NFU1: variants seen among roughly 807,000 people sequenced by gnomAD.
NFU1 encodes the protein NFU1 iron-sulfur cluster scaffold, also known as NFU1 iron-sulfur cluster scaffold homolog, mitochondrial.
Under a neutral mutation model 32.2 loss-of-function variants are expected in NFU1, and 30 were observed. The ratio of observed to expected loss-of-function variants is 0.93; its 90% CI spans 0.70 to 1.26. The LOEUF (loss-of-function observed/expected upper bound fraction) is 1.26, where lower values mean the gene tolerates loss of function less well. NFU1 is among the 50% of genes most tolerant of loss of function. The pLI, the probability that NFU1 is intolerant of heterozygous loss-of-function variation, is 0.00. For synonymous variants in NFU1, 112 were observed against 104.6 expected, an observed-to-expected ratio of 1.07 and a Z score of -0.43; for missense variants, 306 against 306.6, an observed-to-expected ratio of 1.00 and a Z score of 0.02.
chr2:69,423,531 CAGTT>C (rs778776379), intron 3 of NFU1, 47 bp downstream of exon 3: 4 of 1,559,870 alleles, frequency 2.6e-6, no homozygotes, highest in Admixed American at 3.5e-5. Context: ...ACCCCAAAGT[CAGTT>C]AGTTATTTAT....
chr2:69,432,077 T>A (rs955366892), intron 1 of NFU1, 72 bp from the exon 2 acceptor site: 2 of 1,001,466 alleles, frequency 2.0e-6, no homozygotes, highest in Admixed American at 3.8e-5. Context: ...CTACTTCTCA[T>A]GTATAAAAAA....
chr2:69,419,019 AC>A (rs1673149938), intron 4 of NFU1, among the ~76,000 whole-genome samples: 1 of 152,252 alleles, frequency 6.6e-6, no homozygotes, highest in South Asian at 2.1e-4. Flanking sequence ...CTGTTGAAAA[AC>A]ATAGCATATT....
intron 6 of NFU1, among the ~76,000 whole-genome samples, chr2:69,401,532 C>T (rs1436762486): frequency 6.6e-6 from 1 of 152,104 alleles, no homozygotes; most frequent in Non-Finnish European, 1.5e-5. Context: ...TTTAGGTTAA[C>T]ATTAGGTTTT....
At chr2:69,410,321 G>A (rs536126477) in intron 5 of NFU1, among the ~76,000 whole-genome samples, 24 of 152,192 alleles carry the variant, frequency 1.6e-4, no homozygotes, top group African/African-American at 5.8e-4. Context: ...CCTGGGAGGT[G>A]GAGGTTGCAG....
intron 5 of NFU1, among the ~76,000 whole-genome samples, chr2:69,412,165 C>G (rs553224402): frequency 6.6e-6 from 1 of 151,724 alleles, no homozygotes; most frequent in Non-Finnish European, 1.5e-5. Flanking sequence ...ATTCTCCTGC[C>G]TCAGCCTCCC....
chr2:69,404,954 T>C (rs1284314607), intron 6 of NFU1, among the ~76,000 whole-genome samples: 1 of 151,666 alleles, frequency 6.6e-6, no homozygotes, highest in African/African-American at 2.4e-5. Context: ...TGTTACTAAC[T>C]ATAGGCTTAC....
At chr2:69,437,528 G>A (rs781627988), upstream of NFU1, 5 of 1,396,810 alleles carry the variant, frequency 3.6e-6, no homozygotes, top group Non-Finnish European at 4.9e-6. Context: ...CCACCCTACC[G>A]GCTGCGGGCG....
At chr2:69,400,133 A>G (rs555198959) in intron 7 of NFU1, among the ~76,000 whole-genome samples, 150 of 152,304 alleles carry the variant, frequency 9.8e-4, no homozygotes, top group Non-Finnish European at 1.3e-3. Context: ...TCAGCCTCCC[A>G]AAGTGCTGGG....
At chr2:69,402,997 C>A (rs1672575407) in intron 6 of NFU1, among the ~76,000 whole-genome samples, 3 of 147,132 alleles carry the variant, frequency 2.0e-5, no homozygotes, top group Admixed American at 2.0e-4. Flanking sequence ...CCCTCCCTCC[C>A]TCCTTCCTTC....
chr2:69,399,409 T>A (rs770837952), intron 7 of NFU1: 3 of 452,188 alleles, frequency 6.6e-6, no homozygotes, highest in South Asian at 3.1e-5. Flanking sequence ...AAAAAAAAAA[T>A]GTTGATATTG....
intron 6 of NFU1, among the ~76,000 whole-genome samples, chr2:69,404,354 T>G (rs1234580911): frequency 6.7e-6 from 1 of 149,860 alleles, no homozygotes; most frequent in East Asian, 2.1e-4. Flanking sequence ...TAGCTGGGTG[T>G]GGTGGTACAT....
chr2:69,423,223 AGAGATGGGCTCTCTGTGTGAG>A (rs1673313796), intron 3 of NFU1, among the ~76,000 whole-genome samples: 3 of 84,860 alleles, frequency 3.5e-5, no homozygotes, highest in African/African-American at 5.8e-5. Context: ...GGGGGCGGGT[AGAGATGGGCTCTCTGTGTGAG>A]TGTGTGTGTG....
At chr2:69,426,933 G>A (rs1362022306) in intron 2 of NFU1, among the ~76,000 whole-genome samples, 1 of 151,064 alleles carries the variant, frequency 6.6e-6, no homozygotes, top group Non-Finnish European at 1.5e-5. Context: ...GCCAGACGTG[G>A]TGGTATCTGC....
chr2:69,427,980 G>C (rs538559393), intron 2 of NFU1, among the ~76,000 whole-genome samples: 41 of 152,036 alleles, frequency 2.7e-4, no homozygotes, highest in African/African-American at 9.4e-4. Context: ...CCAAGATTGC[G>C]CCATTACAGT....
Position 69,431,994 on chromosome 2 carries a change from A to T in NFU1, c.74T>A (p.Met25Lys), listed in dbSNP as rs4453725. The change falls in exon 2 of 8, where the codon ATG becomes AAG. Residue 25 changes from methionine to lysine, a missense_variant. Coordinates refer to ENST00000410022, the MANE Select transcript of NFU1 (RefSeq NM_001002755.4). ...AAGLRRRFCH[M>K]LKNPYTIKKQ... ...CTTAATGGTGTATGGATTCTTCAAC[A>T]TATGACAGAACCTGCATTTAAAAGC... The T allele has an allele frequency of 0.4, 642,243 of 1,603,608 alleles. 131,872 individuals carry two copies. The highest frequency in any genetic ancestry group is 0.42 in the Middle Eastern group (2,515 of 6,034).
At chr2:69,398,800 C>A (rs908937070) in intron 7 of NFU1, among the ~76,000 whole-genome samples, 2 of 152,158 alleles carry the variant, frequency 1.3e-5, no homozygotes, top group African/African-American at 4.8e-5. Context: ...TGTCTTCAGC[C>A]TCTCAGCTCC....
At chr2:69,411,099 A>G (rs1486222999) in intron 5 of NFU1, 1 of 152,140 alleles carries the variant, frequency 6.6e-6, no homozygotes, top group African/African-American at 2.4e-5. Context: ...ACCCATGTAT[A>G]ATATTATAAA....
chr2:69,398,904 C>T (rs965108264), intron 7 of NFU1, among the ~76,000 whole-genome samples: 1 of 152,044 alleles, frequency 6.6e-6, no homozygotes. Flanking sequence ...CAATGGAGCC[C>T]TTAAGGGCAC....
chr2:69,401,309 AG>A (rs2104737423), intron 6 of NFU1, among the ~76,000 whole-genome samples: 1 of 152,296 alleles, frequency 6.6e-6, no homozygotes, highest in Non-Finnish European at 1.5e-5. Flanking sequence ...ACCACTGATG[AG>A]TTTTGCCAGT....
Sources: gnomAD v4.1 joint callset for allele counts (sites outside exome capture counted in the v4.1 genomes callset) on GRCh38, gnomAD v4.1.1 for gene constraint, MANE v1.5 for transcripts, NCBI Gene and HGNC (gene_info 2026-07-23, HGNC 2026-07-21) for gene names.